GALK2: variants seen among roughly 807,000 people sequenced by gnomAD.
GALK2 encodes N-acetylgalactosamine kinase.
GALK2 carries 36 observed loss-of-function variants against 52.4 expected under a neutral mutation model. That is an observed-to-expected ratio of 0.69 (90% CI 0.53 to 0.91). The LOEUF is 0.91. Among genes scored for constraint, GALK2 ranks in the 40% least tolerant of loss-of-function variants. GALK2 has a pLI of 0.00. For synonymous variants in GALK2, 176 were observed against 199.1 expected, an observed-to-expected ratio of 0.88 and a Z score of 0.98; for missense variants, 579 against 559.1, an observed-to-expected ratio of 1.04 and a Z score of -0.36.
At chr15:49,262,274 A>C (rs544375996) in intron 5 of GALK2, among the ~76,000 whole-genome samples, 2 of 152,104 alleles carry the variant, frequency 1.3e-5, no homozygotes, top group African/African-American at 2.4e-5. Context: ...CAGAGATTCA[A>C]CTTCTTCCTG....
intron 2 of GALK2, among the ~76,000 whole-genome samples, chr15:49,209,742 T>A (rs2088653345): frequency 6.6e-6 from 1 of 152,152 alleles, no homozygotes; most frequent in African/African-American, 2.4e-5. Flanking sequence ...TTGCCAACAT[T>A]TTATTGAGGA....
intron 1 of GALK2, among the ~76,000 whole-genome samples, chr15:49,160,575 A>G (rs1566892214): frequency 6.6e-6 from 1 of 152,024 alleles, no homozygotes; most frequent in Non-Finnish European, 1.5e-5. Context: ...TAATAGTAAT[A>G]GTACCCAGGC....
intron 1 of GALK2, among the ~76,000 whole-genome samples, chr15:49,199,371 G>T (rs1340183283): frequency 2.4e-4 from 37 of 151,778 alleles, no homozygotes; most frequent in Admixed American, 2.4e-3. Flanking sequence ...ATTTGTTCTT[G>T]TTTTGTTTTT....
At chr15:49,176,803 A>T (rs1285821685) in intron 1 of GALK2, among the ~76,000 whole-genome samples, 1 of 152,136 alleles carries the variant, frequency 6.6e-6, no homozygotes, top group African/African-American at 2.4e-5. Context: ...TTTGAGGGCC[A>T]TTCTTGTCAA....
intron 1 of GALK2, among the ~76,000 whole-genome samples, chr15:49,188,448 C>T (rs2086511551): frequency 6.6e-6 from 1 of 152,242 alleles, no homozygotes; most frequent in Admixed American, 6.5e-5. Flanking sequence ...CACTGTACTC[C>T]TCCATGTGCA....
intron 3 of GALK2, among the ~76,000 whole-genome samples, chr15:49,359,794 G>A (rs561778243): frequency 2.3e-4 from 32 of 137,046 alleles, no homozygotes; most frequent in Non-Finnish European, 4.9e-4. Context: ...GCACATGTAT[G>A]TTTATTGCGT....
chr15:49,314,524 T>G (rs1272724151), intron 8 of GALK2, among the ~76,000 whole-genome samples: 1 of 152,246 alleles, frequency 6.6e-6, no homozygotes, highest in Non-Finnish European at 1.5e-5. Context: ...CACTACTGTT[T>G]ATTTAGCCTA....
In GALK2 at chr15:49,156,476, G is replaced by A. The variant is rs2084454132; in HGVS notation, c.20+460G>A. The A allele has an allele frequency of 1.0e-5, 5 of 479,936 alleles. No individual in the cohort carries two copies. The East Asian group carries it at 2.6e-4, about 25-fold the overall frequency. The allele number at this position is 479,936 out of a possible 1,614,324, so 29.7% of individuals were successfully genotyped here. A position where few individuals can be genotyped will look rare whatever the true frequency, so the allele number is the denominator to read the frequency against. The stretch of plus-strand genomic sequence containing the variant: ...GATTAGTCTCTATCCAGAAATTAAG[G>A]GAGAGATTGCTCGTAAAGATGACAA... On this transcript the variant is annotated intron_variant, in intron 1 of 9. Coordinates refer to the GALK2 transcript ENST00000327171.
At chr15:49,170,185 G>A (rs1261114882), upstream of GALK2, 8 of 1,474,816 alleles carry the variant, frequency 5.4e-6, no homozygotes, top group East Asian at 2.5e-5. Context: ...CCACCTCAGC[G>A]AAGCTGCAGG....
chr15:49,329,166 G>A lies in GALK2; in HGVS notation c.*1007G>A. On this transcript the variant is annotated 3_prime_UTR_variant, in exon 10 of 10. Transcript: ENST00000560031. Reference sequence around the variant, plus strand: ...CATTGTAAAGCAGGTATGCAGGTATGTGGGTGAAAGTGACTATGAAAAGAC... The same window carrying A: ...CATTGTAAAGCAGGTATGCAGGTATATGGGTGAAAGTGACTATGAAAAGAC... 1 of 987,232 alleles carries A rather than the reference G, an allele frequency of 1.0e-6. No homozygotes were observed. The highest frequency in any genetic ancestry group is 1.7e-5 in the African/African-American group (1 of 57,326). 61.2% of individuals were successfully genotyped at this position (987,232 alleles called of 1,614,324 possible). A position where few individuals can be genotyped will look rare whatever the true frequency, so the allele number is the denominator to read the frequency against.
intron 5 of GALK2, among the ~76,000 whole-genome samples, chr15:49,264,910 T>G (rs142864549): frequency 6.6e-6 from 1 of 152,222 alleles, no homozygotes; most frequent in Non-Finnish European, 1.5e-5. Flanking sequence ...CCGCGAATGC[T>G]GCTGTCTGAT....
chr15:49,339,838 C>G (rs2040400339), intron 3 of GALK2, among the ~76,000 whole-genome samples: 1 of 152,122 alleles, frequency 6.6e-6, no homozygotes, highest in Admixed American at 6.5e-5. Context: ...AGGAATGAAT[C>G]TAGAGAGGCA....
intron 1 of GALK2, among the ~76,000 whole-genome samples, chr15:49,194,924 G>T (rs2087082228): frequency 6.6e-6 from 1 of 152,030 alleles, no homozygotes; most frequent in African/African-American, 2.4e-5. Flanking sequence ...GGTCTTTTTA[G>T]CTAACTTGTC....
chr15:49,244,159 C>T (rs2091236200), intron 5 of GALK2, among the ~76,000 whole-genome samples: 1 of 151,954 alleles, frequency 6.6e-6, no homozygotes, highest in Non-Finnish European at 1.5e-5. Context: ...CCAGGCTGGT[C>T]TCAAACTCCT....
chr15:49,226,446 A>C (rs1741660333), intron 3 of GALK2, among the ~76,000 whole-genome samples: 1 of 152,064 alleles, frequency 6.6e-6, no homozygotes, highest in South Asian at 2.1e-4. Context: ...GATTTGCTCA[A>C]AGTTTATTAG....
At chr15:49,198,573 T>C (rs1274877268) in intron 1 of GALK2, among the ~76,000 whole-genome samples, 1 of 152,198 alleles carries the variant, frequency 6.6e-6, no homozygotes, top group African/African-American at 2.4e-5. Context: ...TGTTTAATAA[T>C]ATCCTTGTAT....
At chr15:49,273,020 A>C (rs532713547) in intron 5 of GALK2, among the ~76,000 whole-genome samples, 2 of 152,158 alleles carry the variant, frequency 1.3e-5, no homozygotes, top group African/African-American at 4.8e-5. Context: ...CCATGTCCCA[A>C]CTACTAGCTT....
chr15:49,267,745 A>G lies in GALK2; in HGVS notation c.505-14242A>G, dbSNP rs978572825. 5.9e-5 allele frequency among the ~76,000 whole-genome samples: 9 copies of G among 152,294 alleles called. No homozygotes were observed. In the South Asian group the frequency reaches 1.9e-3, roughly 32 times the overall value. ...ATAGTTATTGGCATATTTTTCTTGA[A>G]TAAATCAGAAAAATGGAAAGAAGTA... On this transcript the variant is annotated intron_variant, in intron 5 of 9. Coordinates refer to ENST00000560031, the MANE Select transcript of GALK2 (RefSeq NM_002044.4).
chr15:49,328,065 A>AT lies in GALK2; in HGVS notation c.1285dup (p.Tyr429LeufsTer5). 4 of 1,614,072 alleles carry AT rather than the reference A, an allele frequency of 2.5e-6. No individual in the cohort carries two copies. Among genetic ancestry groups the AT allele is most frequent in the Non-Finnish European group, 3.4e-6 (4 of 1,179,968 alleles). ...TTTCTAGCAAATGTGCACAAAGCTTATTACCAGAGGAGTGATGGAAGCTTA... is the reference window on the plus strand; with the variant it reads ...TTTCTAGCAAATGTGCACAAAGCTTATTTACCAGAGGAGTGATGGAAGCTTA... On this transcript the variant is annotated frameshift_variant, in exon 10 of 10. Coordinates refer to ENST00000560031, the MANE Select transcript of GALK2 (RefSeq NM_002044.4). LOFTEE classifies it high-confidence loss of function.
Sources: gnomAD v4.1 joint callset for allele counts (sites outside exome capture counted in the v4.1 genomes callset) on GRCh38, gnomAD v4.1.1 for gene constraint, MANE v1.5 for transcripts, NCBI Gene and HGNC (gene_info 2026-07-23, HGNC 2026-07-21) for gene names.